RBFOX1: variants seen among roughly 807,000 people sequenced by gnomAD.
RBFOX1 encodes the protein RNA binding protein fox-1 homolog 1.
In RBFOX1, 8 loss-of-function variants were observed where a neutral mutation model predicts 57.7. The observed-to-expected ratio is 0.14, with a 90% CI of 0.08 to 0.25. RBFOX1 has a LOEUF of 0.25. Among genes scored for constraint, RBFOX1 ranks in the 10% least tolerant of loss-of-function variants. The pLI is 1.00. For missense variants in RBFOX1, 611 were observed against 548.5 expected, an observed-to-expected ratio of 1.11 and a Z score of -1.14; for synonymous variants, 326 against 222.4, an observed-to-expected ratio of 1.47 and a Z score of -4.15.
chr16:7,151,493 A>T (rs999671186), intron 4 of RBFOX1, among the ~76,000 whole-genome samples: 1 of 152,072 alleles, frequency 6.6e-6, no homozygotes, highest in Admixed American at 6.6e-5. Flanking sequence ...TCTGGAGCAG[A>T]TCTTCTTCAC....
chr16:6,220,646 C>T (rs539649707), intron 1 of RBFOX1, among the ~76,000 whole-genome samples: 2 of 152,096 alleles, frequency 1.3e-5, no homozygotes, highest in East Asian at 3.9e-4. Context: ...CTTCTAAGAG[C>T]TTCAAAATGG....
intron 4 of RBFOX1, among the ~76,000 whole-genome samples, chr16:7,494,860 A>G (rs368002338): frequency 1.1e-3 from 118 of 112,238 alleles, no homozygotes; most frequent in African/African-American, 3.6e-3. Context: ...GCACTATAAA[A>G]TCTTCATTCT....
At chr16:5,399,451 G>C (rs533422162) in intron 1 of RBFOX1, among the ~76,000 whole-genome samples, 96 of 152,260 alleles carry the variant, frequency 6.3e-4, no homozygotes, top group Admixed American at 4.6e-3. Context: ...AGTAAGAATT[G>C]CTCTTAATCA....
chr16:7,164,505 G>C (rs879550914), intron 4 of RBFOX1, among the ~76,000 whole-genome samples: 14 of 152,160 alleles, frequency 9.2e-5, no homozygotes, highest in Non-Finnish European at 1.8e-4. Context: ...TGGCAGAAAT[G>C]ATATGTGTCT....
chr16:6,965,541 T>G (rs1305680013), intron 3 of RBFOX1, among the ~76,000 whole-genome samples: 1 of 152,164 alleles, frequency 6.6e-6, no homozygotes, highest in African/African-American at 2.4e-5. Flanking sequence ...TTCACCATGT[T>G]GGCCAGGCTG....
chr16:6,539,806 G>GACACACAGACACACACACACAC (rs2096787016), intron 2 of RBFOX1, among the ~76,000 whole-genome samples: 1 of 136,234 alleles, frequency 7.3e-6, no homozygotes, highest in South Asian at 2.6e-4. Flanking sequence ...TCAAAACACA[G>GACACACAGACACACACACACAC]ACACACACAC....
At chr16:6,989,079 T>G (rs1004258780) in intron 3 of RBFOX1, among the ~76,000 whole-genome samples, 1 of 152,042 alleles carries the variant, frequency 6.6e-6, no homozygotes, top group East Asian at 1.9e-4. Flanking sequence ...GTATTTTTAG[T>G]AGAGACGGGA....
chr16:6,956,468 C>T (rs1334911212), intron 3 of RBFOX1, among the ~76,000 whole-genome samples: 1 of 152,150 alleles, frequency 6.6e-6, no homozygotes, highest in African/African-American at 2.4e-5. Flanking sequence ...TTGTCATCGT[C>T]TTCTCAAAGA....
At chr16:7,359,137 A>T (rs545961110) in intron 4 of RBFOX1, among the ~76,000 whole-genome samples, 1 of 152,164 alleles carries the variant, frequency 6.6e-6, no homozygotes. Flanking sequence ...TTTGGGTCCA[A>T]TTCCTAGCCA....
chr16:5,448,183 C>G (rs1475409739), intron 1 of RBFOX1, among the ~76,000 whole-genome samples: 1 of 152,162 alleles, frequency 6.6e-6, no homozygotes, highest in Admixed American at 6.5e-5. Flanking sequence ...AGAGCTAAGC[C>G]TCCGCATCTT....
rs1449539321 is a variant in RBFOX1 at position 6,518,783 on chromosome 16, CTGTCTGTG to C, written c.-63-135812_-63-135805del. On this transcript the variant is annotated intron_variant, in intron 2 of 15. Coordinates refer to ENST00000550418, the MANE Select transcript of RBFOX1 (RefSeq NM_018723.4). ...TCCATCTATCTATCCATCTGTCTGTCTGTCTGTGTGTCTGTCTATCTATCTATCTATCT... is the reference window on the plus strand; with the variant it reads ...TCCATCTATCTATCCATCTGTCTGTCTGTCTGTCTATCTATCTATCTATCT... Among the ~76,000 whole-genome samples the C allele has an allele frequency of 6.8e-3, 534 of 78,298 alleles. 7 individuals carry two copies. The highest frequency in any genetic ancestry group is 0.032 in the South Asian group (77 of 2,432). The allele number at this position is 78,298 out of a possible 152,430, so 51.4% of individuals were successfully genotyped here. A position where few individuals can be genotyped will look rare whatever the true frequency, so the allele number is the denominator to read the frequency against.
chr16:7,044,719 T>C (rs768352433), intron 3 of RBFOX1, among the ~76,000 whole-genome samples: 1 of 152,176 alleles, frequency 6.6e-6, no homozygotes, highest in Non-Finnish European at 1.5e-5. Flanking sequence ...ATATCACATG[T>C]TAGTTTCCAA....
intron 3 of RBFOX1, among the ~76,000 whole-genome samples, chr16:6,740,982 C>G (rs956815559): frequency 2.6e-5 from 4 of 152,122 alleles, no homozygotes; most frequent in Admixed American, 6.6e-5. Context: ...TTATGTAACT[C>G]CAGTCATCAT....
At chr16:6,829,151 G>A (rs1035321502) in intron 3 of RBFOX1, among the ~76,000 whole-genome samples, 1 of 152,004 alleles carries the variant, frequency 6.6e-6, no homozygotes, top group Admixed American at 6.6e-5. Flanking sequence ...TAAGTGGAAG[G>A]TGGGTGTAGA....
intron 2 of RBFOX1, among the ~76,000 whole-genome samples, chr16:6,359,180 C>T (rs1433665817): frequency 6.6e-6 from 1 of 152,174 alleles, no homozygotes; most frequent in East Asian, 1.9e-4. Flanking sequence ...GCAACCTCTG[C>T]CTTCCAGGCT....
intron 4 of RBFOX1, among the ~76,000 whole-genome samples, chr16:7,116,766 T>C (rs530334872): frequency 5.3e-5 from 8 of 152,264 alleles, no homozygotes; most frequent in Admixed American, 3.9e-4. Flanking sequence ...ATGACAGGTA[T>C]TGACCACCTC....
chr16:6,984,507 C>G (rs905086384), intron 3 of RBFOX1, among the ~76,000 whole-genome samples: 3 of 152,172 alleles, frequency 2.0e-5, no homozygotes, highest in African/African-American at 7.2e-5. Context: ...AGCCTAAAGT[C>G]TCCTCACCTT....
chr16:7,700,986 A>G (rs1479699941), intron 14 of RBFOX1, among the ~76,000 whole-genome samples: 1 of 151,838 alleles, frequency 6.6e-6, no homozygotes, highest in Non-Finnish European at 1.5e-5. Context: ...ACAGGTATCC[A>G]TGGGCAAAAA....
chr16:5,729,408 T>C (rs953821261), intron 3 of RBFOX1, among the ~76,000 whole-genome samples: 2 of 150,566 alleles, frequency 1.3e-5, no homozygotes, highest in Non-Finnish European at 3.0e-5. Context: ...TTTTTTTTTT[T>C]TTTTTTTGCC....
Sources: gnomAD v4.1 joint callset for allele counts (sites outside exome capture counted in the v4.1 genomes callset) on GRCh38, gnomAD v4.1.1 for gene constraint, MANE v1.5 for transcripts, NCBI Gene and HGNC (gene_info 2026-07-23, HGNC 2026-07-21) for gene names.